GALNT17: variants seen among roughly 807,000 people sequenced by gnomAD.
GALNT17 encodes UDP-GalNAc:polypeptide N-acetylgalactosaminyltransferase-like 3.
Under a neutral mutation model 63.7 loss-of-function variants are expected in GALNT17, and 29 were observed. The observed-to-expected ratio is 0.46, with a 90% CI of 0.34 to 0.62. GALNT17 has a LOEUF of 0.62. GALNT17 is among the 20% of genes least tolerant of loss of function. The pLI is 0.01. For missense variants in GALNT17, 603 were observed against 799.6 expected (o/e 0.75, Z 2.97); for synonymous variants, 305 against 318.3 (o/e 0.96, Z 0.45).
chr7:71,132,992 C>T lies in GALNT17; in HGVS notation c.190C>T (p.Leu64=), dbSNP rs752989125. 1.1e-5 allele frequency: 18 copies of T among 1,602,708 alleles called. No homozygotes were observed. In the Admixed American group the frequency reaches 2.5e-4, roughly 22 times the overall value. Residue 64 remains leucine (L), a synonymous_variant, in exon 1 of 11, where the codon CTG becomes TTG. Transcript: ENST00000333538. ...HSASPIQDAV[L]KRLSLLEDIV... Reference sequence around the variant, plus strand: ...CGCCAGCCCCATCCAGGATGCGGTCCTGAAGCGCCTGTCGCTGCTGGAGGA... The same window carrying T: ...CGCCAGCCCCATCCAGGATGCGGTCTTGAAGCGCCTGTCGCTGCTGGAGGA...
chr7:71,171,649 G>T (rs1788549702), intron 1 of GALNT17, among the ~76,000 whole-genome samples: 1 of 152,212 alleles, frequency 6.6e-6, no homozygotes, highest in Non-Finnish European at 1.5e-5. Context: ...TTTATTTACA[G>T]AAGATTCTGG....
chr7:71,580,580 G>C (rs971720831), intron 6 of GALNT17, among the ~76,000 whole-genome samples: 3 of 152,092 alleles, frequency 2.0e-5, no homozygotes, highest in African/African-American at 7.2e-5. Flanking sequence ...ATAAAGCTGC[G>C]TACACTCAGG....
At chr7:71,215,351 AT>A (rs1789458384) in intron 1 of GALNT17, among the ~76,000 whole-genome samples, 1 of 151,974 alleles carries the variant, frequency 6.6e-6, no homozygotes, top group Non-Finnish European at 1.5e-5. Flanking sequence ...CTGTTTTGTC[AT>A]CTTAAGTTTT....
rs551430762 is a variant in GALNT17, at chr7:71,582,418, C to CAA, written c.1080+11030_1080+11031dup. 1.3e-4 allele frequency among the ~76,000 whole-genome samples: 15 copies of CAA among 116,888 alleles called. No individual in the cohort carries two copies. In the South Asian group the frequency reaches 3.6e-3, roughly 28 times the overall value. 76.7% of individuals were successfully genotyped at this position (116,888 alleles called of 152,430 possible). ...TGAAACACTGTCTCTATTAAAAATACAAAAAAAAAAAAAAATAGCTGGGCA... is the reference window on the plus strand; with the variant it reads ...TGAAACACTGTCTCTATTAAAAATACAAAAAAAAAAAAAAAAATAGCTGGGCA... On this transcript the variant is annotated intron_variant, in intron 6 of 10. Coordinates refer to ENST00000333538, the MANE Select transcript of GALNT17 (RefSeq NM_022479.3).
rs567519057 is a variant in GALNT17, at chr7:71,711,953, A to G, written c.1669-65A>G. ...TCCTGTCTCTCTTTCTCCTCTCTCT[A>G]TATCTCTCGCTGTCTCTCTCTCCTC... On this transcript the variant is annotated intron_variant, in intron 10 of 10. Transcript: ENST00000333538. The G allele has an allele frequency of 1.7e-4, 266 of 1,546,522 alleles. 1 individual carries two copies. The highest frequency in any genetic ancestry group is 2.1e-4 in the Non-Finnish European group (235 of 1,127,128).
At chr7:71,188,929 G>A (rs1788901133) in intron 1 of GALNT17, among the ~76,000 whole-genome samples, 1 of 152,104 alleles carries the variant, frequency 6.6e-6, no homozygotes, top group Non-Finnish European at 1.5e-5. Context: ...GTTTAAATGT[G>A]AAATACACCT....
At chr7:71,451,564 A>G (rs959430390) in intron 5 of GALNT17, among the ~76,000 whole-genome samples, 11 of 151,980 alleles carry the variant, frequency 7.2e-5, no homozygotes, top group African/African-American at 2.7e-4. Flanking sequence ...AATTTTATTA[A>G]TTCATTTTGT....
At chr7:71,160,176 A>G (rs1788316115) in intron 1 of GALNT17, among the ~76,000 whole-genome samples, 1 of 152,176 alleles carries the variant, frequency 6.6e-6, no homozygotes, top group Non-Finnish European at 1.5e-5. Context: ...CGTAATTCTA[A>G]AGCATGAGGA....
In GALNT17 at chr7:71,247,428, C is replaced by G. The variant is rs190313417; in HGVS notation, c.239-88122C>G. Among the ~76,000 whole-genome samples the G allele has an allele frequency of 3.2e-3, 493 of 152,160 alleles. 3 individuals carry two copies. Among genetic ancestry groups the G allele is most frequent in the Admixed American group, 5.7e-3 (87 of 15,252 alleles). ...TTGAAAGTCCACAAATAACTTCAGGCTCCTAGAAACTTCACTACTAATAGT... is the reference window on the plus strand; with the variant it reads ...TTGAAAGTCCACAAATAACTTCAGGGTCCTAGAAACTTCACTACTAATAGT... On this transcript the variant is annotated intron_variant, in intron 1 of 10. Transcript: ENST00000333538.
At chr7:71,493,320 T>TATTG (rs1788040562) in intron 5 of GALNT17, among the ~76,000 whole-genome samples, 1 of 152,208 alleles carries the variant, frequency 6.6e-6, no homozygotes, top group African/African-American at 2.4e-5. Context: ...CCAGTTCACC[T>TATTG]TCATATTGAA....
At chr7:71,679,251 A>C (rs533561123) in intron 9 of GALNT17, among the ~76,000 whole-genome samples, 48 of 152,216 alleles carry the variant, frequency 3.2e-4, no homozygotes, top group Admixed American at 1.0e-3. Flanking sequence ...GCCTCTACAA[A>C]AAATACATAA....
chr7:71,341,725 C>T (rs371236850), intron 2 of GALNT17, among the ~76,000 whole-genome samples: 7 of 152,230 alleles, frequency 4.6e-5, no homozygotes, highest in Middle Eastern at 3.4e-3. Flanking sequence ...GTAAACCCAT[C>T]GCAAAAATGT....
At chr7:71,165,293 A>G (rs1788417790) in intron 1 of GALNT17, among the ~76,000 whole-genome samples, 1 of 152,170 alleles carries the variant, frequency 6.6e-6, no homozygotes, top group African/African-American at 2.4e-5. Context: ...TGGCACTGCT[A>G]CTTAGTTTAT....
chr7:71,530,717 G>A (rs527832426), intron 5 of GALNT17, among the ~76,000 whole-genome samples: 6 of 152,078 alleles, frequency 3.9e-5, no homozygotes, highest in South Asian at 2.1e-4. Flanking sequence ...ACAGGCGCCC[G>A]CCTACAGGCC....
intron 5 of GALNT17, among the ~76,000 whole-genome samples, chr7:71,489,235 G>A (rs1787964907): frequency 1.3e-5 from 2 of 152,122 alleles, no homozygotes; most frequent in Admixed American, 6.6e-5. Flanking sequence ...TGCAGATACT[G>A]TGGCTCTAGG....
At chr7:71,532,245 C>T (rs1788732979) in intron 5 of GALNT17, among the ~76,000 whole-genome samples, 1 of 152,082 alleles carries the variant, frequency 6.6e-6, no homozygotes, top group Non-Finnish European at 1.5e-5. Context: ...GCACACAACA[C>T]CCGCATAGCT....
chr7:71,448,861 A>T (rs1261445311), intron 5 of GALNT17, among the ~76,000 whole-genome samples: 1 of 152,174 alleles, frequency 6.6e-6, no homozygotes, highest in Non-Finnish European at 1.5e-5. Flanking sequence ...TAAATAAATT[A>T]TAAAGCCAAG....
At chr7:71,596,860 C>T (rs1037277102) in intron 6 of GALNT17, among the ~76,000 whole-genome samples, 1 of 151,930 alleles carries the variant, frequency 6.6e-6, no homozygotes, top group Non-Finnish European at 1.5e-5. Flanking sequence ...AGGAGACCCA[C>T]TCAGGGTTGA....
intron 5 of GALNT17, among the ~76,000 whole-genome samples, chr7:71,438,599 A>C (rs1279507752): frequency 6.6e-6 from 1 of 152,226 alleles, no homozygotes; most frequent in African/African-American, 2.4e-5. Flanking sequence ...GTACTGTCTT[A>C]TAGGGTTGTT....
Sources: gnomAD v4.1 joint callset for allele counts (sites outside exome capture counted in the v4.1 genomes callset) on GRCh38, gnomAD v4.1.1 for gene constraint, MANE v1.5 for transcripts, NCBI Gene and HGNC (gene_info 2026-07-23, HGNC 2026-07-21) for gene names.